The following RAB39A variants were observed in gnomAD, a reference collection of about 807,000 sequenced individuals.
RAB39A encodes RAB39A, member RAS oncogene family.
A neutral mutation model predicts 20.9 loss-of-function variants in RAB39A; 17 were observed. That is an observed-to-expected ratio of 0.81 (90% confidence interval 0.56 to 1.22). The LOEUF (loss-of-function observed/expected upper bound fraction) is 1.22, where lower values mean the gene tolerates loss of function less well. Ranked by LOEUF, RAB39A falls within the 50% of genes most tolerant of loss-of-function variation. The pLI is 0.00. For missense variants in RAB39A, 234 were observed against 270.5 expected (o/e 0.87, Z 0.95); for synonymous variants, 99 against 103.4 (o/e 0.96, Z 0.26).
intron 1 of RAB39A, among the ~76,000 whole-genome samples, chr11:107,952,055 T>C (rs1183457507): frequency 6.6e-6 from 1 of 152,216 alleles, no homozygotes; most frequent in African/African-American, 2.4e-5. Flanking sequence ...CCCTTGTCTA[T>C]ATATTATTTT....
chr11:107,933,935 C>T (rs1269632991), intron 1 of RAB39A, among the ~76,000 whole-genome samples: 2 of 152,068 alleles, frequency 1.3e-5, no homozygotes, highest in Non-Finnish European at 2.9e-5. Context: ...GGATTACAAG[C>T]GTAAGCCACC....
intron 1 of RAB39A, among the ~76,000 whole-genome samples, chr11:107,958,815 T>C (rs970635991): frequency 4.6e-5 from 7 of 152,192 alleles, no homozygotes; most frequent in African/African-American, 1.7e-4. Context: ...AAAAATAAGT[T>C]TTTTGAAAAG....
chr11:107,946,946 C>CG (rs1565464516), intron 1 of RAB39A, among the ~76,000 whole-genome samples: 1 of 151,780 alleles, frequency 6.6e-6, no homozygotes, highest in African/African-American at 2.4e-5. Flanking sequence ...ATTAGCCAGA[C>CG]GTGCTCGCTT....
intron 1 of RAB39A, among the ~76,000 whole-genome samples, chr11:107,950,386 T>C (rs1861365491): frequency 1.3e-5 from 2 of 152,092 alleles, no homozygotes; most frequent in Non-Finnish European, 2.9e-5. Flanking sequence ...GGTATGAACA[T>C]ATTCAGTTGT....
intron 1 of RAB39A, among the ~76,000 whole-genome samples, chr11:107,946,473 T>A (rs1244999628): frequency 4.8e-5 from 4 of 83,860 alleles, no homozygotes; most frequent in Non-Finnish European, 7.2e-5. Flanking sequence ...TTTTTTTTTT[T>A]TTTTTTTTTT....
Position 107,928,801 on chromosome 11 carries a change from G to T in RAB39A, c.227+6G>T. The stretch of plus-strand genomic sequence containing the variant: ...GCGGGACAGGAGCGGTTCAGGTAGG[G>T]ACCCCGGGGACCTTGGGCACCGCGC... On this transcript the variant is annotated splice_donor_region_variant and intron_variant, in intron 1 of 1. Coordinates refer to ENST00000320578, the MANE Select transcript of RAB39A (RefSeq NM_017516.3). The surrounding 1 kb of genome is among the most constrained non-coding windows in gnomAD (Gnocchi z 4.9). 1 of 1,521,614 alleles carries T rather than the reference G, an allele frequency of 6.6e-7. No homozygotes were observed. The highest frequency in any genetic ancestry group is 8.9e-7 in the Non-Finnish European group (1 of 1,123,888). 94.3% of individuals were successfully genotyped at this position (1,521,614 alleles called of 1,614,324 possible).
At chr11:107,948,136 C>T (rs1861337741) in intron 1 of RAB39A, among the ~76,000 whole-genome samples, 1 of 151,980 alleles carries the variant, frequency 6.6e-6, no homozygotes, top group African/African-American at 2.4e-5. Context: ...CCAAGGACAG[C>T]CATGCCAGAT....
chr11:107,947,436 C>T (rs1039254462), intron 1 of RAB39A, among the ~76,000 whole-genome samples: 2 of 152,046 alleles, frequency 1.3e-5, no homozygotes, highest in African/African-American at 4.8e-5. Flanking sequence ...CAATAAAGGA[C>T]TCTAGTCCAA....
In RAB39A at chr11:107,935,566, A is replaced by G. The variant is rs113561755; in HGVS notation, c.227+6771A>G. ...ATTTTTTGTATTTTCAGTAGGGACA[A>G]GGTTTCACTTTGTTAGCCAGGCTTG... On this transcript the variant is annotated intron_variant, in intron 1 of 1. Transcript: ENST00000320578. 6.5e-3 allele frequency among the ~76,000 whole-genome samples: 988 copies of G among 151,944 alleles called. 10 individuals are homozygous for G. Among genetic ancestry groups the G allele is most frequent in the African/African-American group, 0.023 (940 of 41,432 alleles).
chr11:107,948,670 G>A (rs904771992), intron 1 of RAB39A, among the ~76,000 whole-genome samples: 3 of 152,018 alleles, frequency 2.0e-5, no homozygotes, highest in Non-Finnish European at 4.4e-5. Flanking sequence ...TCGATCTCTT[G>A]ACCTCGTGAT....
chr11:107,934,574 C>A (rs1388302984), intron 1 of RAB39A, among the ~76,000 whole-genome samples: 2 of 152,176 alleles, frequency 1.3e-5, no homozygotes, highest in African/African-American at 4.8e-5. Context: ...GGAAGACCTG[C>A]AGACAAACTT....
At chr11:107,954,357 G>A (rs755529929) in intron 1 of RAB39A, among the ~76,000 whole-genome samples, 11 of 152,102 alleles carry the variant, frequency 7.2e-5, no homozygotes, top group African/African-American at 2.7e-4. Flanking sequence ...GGGGTCTTTC[G>A]GTGGCCATTC....
chr11:107,958,672 T>A (rs1198791326), intron 1 of RAB39A, among the ~76,000 whole-genome samples: 2 of 152,234 alleles, frequency 1.3e-5, no homozygotes, highest in African/African-American at 4.8e-5. Context: ...TAATAAGGGT[T>A]TTTTTATAAT....
At chr11:107,941,143 T>C (rs542761808) in intron 1 of RAB39A, among the ~76,000 whole-genome samples, 1 of 152,296 alleles carries the variant, frequency 6.6e-6, no homozygotes, top group East Asian at 1.9e-4. Context: ...ATGATATTAA[T>C]AGACGTAATT....
In RAB39A at chr11:107,950,797, C is replaced by G. The variant is rs887440244; in HGVS notation, c.228-11149C>G. On this transcript the variant is annotated intron_variant, in intron 1 of 1. Transcript: ENST00000320578. ...AAAAAAAAAAGACAAAATCCTTGCT[C>G]TCATAGAGCTTATCTTCTAATCGGG... Among the ~76,000 whole-genome samples the G allele has an allele frequency of 4.0e-5, 6 of 150,562 alleles. No individual in the cohort carries two copies. In the East Asian group the frequency reaches 9.8e-4, roughly 24 times the overall value.
chr11:107,960,089 A>G (rs1186441886), intron 1 of RAB39A, among the ~76,000 whole-genome samples: 1 of 152,170 alleles, frequency 6.6e-6, no homozygotes, highest in Non-Finnish European at 1.5e-5. Flanking sequence ...ATGCGCCTAT[A>G]GTCCCAGCTA....
chr11:107,943,698 T>A (rs1018638963), intron 1 of RAB39A, among the ~76,000 whole-genome samples: 3 of 152,176 alleles, frequency 2.0e-5, no homozygotes, highest in Non-Finnish European at 4.4e-5. Context: ...ACATTCAAGG[T>A]CCATACAGTC....
chr11:107,954,987 CTTTTTTTT>C (rs60838211), intron 1 of RAB39A, among the ~76,000 whole-genome samples: 1 of 54,860 alleles, frequency 1.8e-5, no homozygotes, highest in South Asian at 1.3e-3. Context: ...AGAAAGCATG[CTTTTTTTT>C]TTTTTTTTTT....
At chr11:107,929,673 C>T (rs1861117352) in intron 1 of RAB39A, among the ~76,000 whole-genome samples, 1 of 152,146 alleles carries the variant, frequency 6.6e-6, no homozygotes, top group Admixed American at 6.6e-5. Context: ...TAGTCTCCTC[C>T]TAAATATCCG....
Sources: allele counts gnomAD v4.1 joint callset (sites outside exome capture counted in the v4.1 genomes callset), GRCh38; gene constraint gnomAD v4.1.1; non-coding constraint Gnocchi (gnomAD v3.1); transcripts MANE v1.5; gene names NCBI Gene and HGNC (gene_info 2026-07-23, HGNC 2026-07-21).